SNTB1: variants seen among roughly 807,000 people sequenced by gnomAD.
SNTB1 encodes syntrophin beta 1, also known as beta-1-syntrophin.
Under a neutral mutation model 48.9 loss-of-function variants are expected in SNTB1, and 36 were observed. The observed-to-expected ratio is 0.74, with a 90% CI of 0.56 to 0.97. The LOEUF (loss-of-function observed/expected upper bound fraction) is 0.97, where lower values mean the gene tolerates loss of function less well. SNTB1 is among the 50% of genes least tolerant of loss of function. SNTB1 has a pLI of 0.00. For missense variants in SNTB1, 786 were observed against 703.4 expected, an observed-to-expected ratio of 1.12 and a Z score of -1.33; for synonymous variants, 299 against 294.6, an observed-to-expected ratio of 1.01 and a Z score of -0.15.
At chr8:120,667,394 A>C (rs1817689884) in intron 2 of SNTB1, among the ~76,000 whole-genome samples, 1 of 152,168 alleles carries the variant, frequency 6.6e-6, no homozygotes, top group South Asian at 2.1e-4. Context: ...GTGTTTGGAA[A>C]TCCACATGTG....
chr8:120,578,589 T>G (rs145744838), intron 3 of SNTB1, among the ~76,000 whole-genome samples: 1 of 152,282 alleles, frequency 6.6e-6, no homozygotes, highest in East Asian at 1.9e-4. Context: ...AGATTTCTAA[T>G]GAAGAAGGTG....
Position 120,755,685 on chromosome 8 carries a change from G to C in SNTB1, c.571+55588C>G, listed in dbSNP as rs111427439. ...GTGGTGGTGGTGGTAGTGATACCAG[G>C]AACTATGCCAAATGCATTTTCTCAC... On this transcript the variant is annotated intron_variant, in intron 1 of 6. Coordinates refer to ENST00000517992, the MANE Select transcript of SNTB1 (RefSeq NM_021021.4). Among the ~76,000 whole-genome samples, 918 of 152,136 alleles carry C rather than the reference G, an allele frequency of 6.0e-3. 4 individuals are homozygous for C. Among genetic ancestry groups the C allele is most frequent in the Non-Finnish European group, 9.7e-3 (659 of 67,982 alleles).
At chr8:120,677,546 C>G (rs1308362801) in intron 2 of SNTB1, among the ~76,000 whole-genome samples, 2 of 152,086 alleles carry the variant, frequency 1.3e-5, no homozygotes. Context: ...ATAAAACCCT[C>G]TAAAAAATTC....
At chr8:120,645,630 T>C (rs1470254616) in intron 2 of SNTB1, among the ~76,000 whole-genome samples, 1 of 134,588 alleles carries the variant, frequency 7.4e-6, no homozygotes, top group Non-Finnish European at 1.6e-5. Context: ...TGGCTTAGGA[T>C]TGACTTGGCA....
chr8:120,669,087 A>T (rs1817718854), intron 2 of SNTB1, among the ~76,000 whole-genome samples: 1 of 152,232 alleles, frequency 6.6e-6, no homozygotes, highest in Non-Finnish European at 1.5e-5. Flanking sequence ...TCCAGCTTTG[A>T]GATGAGCATT....
intron 1 of SNTB1, among the ~76,000 whole-genome samples, chr8:120,799,744 G>A (rs940261561): frequency 3.3e-5 from 5 of 151,858 alleles, no homozygotes; most frequent in Admixed American, 6.6e-5. Context: ...CTGGGTAAAC[G>A]GTGTCCTTAG....
Position 120,698,779 on chromosome 8 carries a change from G to A in SNTB1, c.572-4871C>T, listed in dbSNP as rs75629857. Among the ~76,000 whole-genome samples the A allele has an allele frequency of 6.4e-3, 981 of 152,274 alleles. 8 individuals are homozygous for A. Among genetic ancestry groups the A allele is most frequent in the Non-Finnish European group, 0.01 (696 of 68,020 alleles). On this transcript the variant is annotated intron_variant, in intron 1 of 6. Coordinates refer to ENST00000517992, the MANE Select transcript of SNTB1 (RefSeq NM_021021.4). ...AGCCCCAGGCAGGGAGTGAAAGCAG[G>A]GTAGCCATGCTTGGGTGTGGTAAAG...
intron 3 of SNTB1, among the ~76,000 whole-genome samples, chr8:120,589,516 A>C (rs1413655145): frequency 6.6e-6 from 1 of 152,198 alleles, no homozygotes; most frequent in Non-Finnish European, 1.5e-5. Flanking sequence ...TGCTATAACA[A>C]ATTACCATAG....
intron 2 of SNTB1, among the ~76,000 whole-genome samples, chr8:120,687,577 A>G: frequency 6.6e-6 from 1 of 152,240 alleles, no homozygotes; most frequent in East Asian, 1.9e-4. Context: ...AAGGTCTATT[A>G]GCACACCTTC....
chr8:120,729,696 A>G (rs749194862), intron 1 of SNTB1, among the ~76,000 whole-genome samples: 2 of 152,214 alleles, frequency 1.3e-5, no homozygotes, highest in Non-Finnish European at 2.9e-5. Flanking sequence ...ACAAGAATCC[A>G]AGTTTGTCTA....
chr8:120,698,504 T>C (rs1335851163), intron 1 of SNTB1, among the ~76,000 whole-genome samples: 1 of 152,146 alleles, frequency 6.6e-6, no homozygotes. Context: ...CTGATTTTTT[T>C]TGATATGTAT....
chr8:120,686,962 G>A (rs532547950), intron 2 of SNTB1, among the ~76,000 whole-genome samples: 1 of 152,054 alleles, frequency 6.6e-6, no homozygotes, highest in Non-Finnish European at 1.5e-5. Context: ...CATATTTTGT[G>A]GGCTTCTTAA....
rs552213666 is a variant in SNTB1 at position 120,603,902 on chromosome 8, C to T, written c.996+28542G>A. ...AAGTTTCCATCTCCCCAGAGGTACA[C>T]TTTGACCAGGGATGATGAAGAAGAG... On this transcript the variant is annotated intron_variant, in intron 3 of 6. Coordinates refer to ENST00000517992, the MANE Select transcript of SNTB1 (RefSeq NM_021021.4). Among the ~76,000 whole-genome samples the T allele has an allele frequency of 8.5e-5, 13 of 152,316 alleles. 1 individual carries two copies. In the South Asian group the frequency reaches 2.7e-3, roughly 32 times the overall value.
intron 1 of SNTB1, among the ~76,000 whole-genome samples, chr8:120,700,856 GAA>G (rs1818298582): frequency 6.6e-6 from 1 of 152,140 alleles, no homozygotes; most frequent in Admixed American, 6.5e-5. Flanking sequence ...TAAGGAGCCG[GAA>G]AGTCCGTCTG....
At chr8:120,634,294 CATG>C (rs1237566899) in intron 2 of SNTB1, among the ~76,000 whole-genome samples, 1 of 152,144 alleles carries the variant, frequency 6.6e-6, no homozygotes, top group Non-Finnish European at 1.5e-5. Flanking sequence ...TCTTAATAAT[CATG>C]ATATTATTCA....
At chr8:120,604,162 G>C (rs1816472217) in intron 3 of SNTB1, among the ~76,000 whole-genome samples, 1 of 152,198 alleles carries the variant, frequency 6.6e-6, no homozygotes, top group African/African-American at 2.4e-5. Flanking sequence ...GAGAGAAACT[G>C]AGCCAGGCCT....
chr8:120,575,650 T>C (rs1335966899), intron 3 of SNTB1, among the ~76,000 whole-genome samples: 1 of 152,198 alleles, frequency 6.6e-6, no homozygotes, highest in Admixed American at 6.5e-5. Flanking sequence ...AAATGTACTA[T>C]GGTGGCAAAT....
At chr8:120,571,165 G>A (rs554344675) in intron 4 of SNTB1, 7 of 1,214,478 alleles carry the variant, frequency 5.8e-6, no homozygotes, top group Non-Finnish European at 6.3e-6. Context: ...GGCTATGTAC[G>A]AGGGTAAATT....
intron 1 of SNTB1, among the ~76,000 whole-genome samples, chr8:120,764,117 C>T (rs968177794): frequency 2.6e-5 from 4 of 152,080 alleles, no homozygotes; most frequent in African/African-American, 7.2e-5. Context: ...TGACATATTT[C>T]CAAGGTTATT....
Sources: gnomAD v4.1 joint callset for allele counts (sites outside exome capture counted in the v4.1 genomes callset) on GRCh38, gnomAD v4.1.1 for gene constraint, MANE v1.5 for transcripts, NCBI Gene and HGNC (gene_info 2026-07-23, HGNC 2026-07-21) for gene names.